EPHX4: variants seen among roughly 807,000 people sequenced by gnomAD.
EPHX4 encodes epoxide hydrolase 4.
A neutral mutation model predicts 44.9 loss-of-function variants in EPHX4; 31 were observed. The ratio of observed to expected loss-of-function variants is 0.69; its 90% CI spans 0.52 to 0.93. EPHX4 has a LOEUF of 0.93. EPHX4 is among the 40% of genes least tolerant of loss of function. EPHX4 has a pLI of 0.00. For synonymous variants in EPHX4, 151 were observed against 159.7 expected (o/e 0.95, Z 0.41); for missense variants, 373 against 438.1 (o/e 0.85, Z 1.33).
chr1:92,062,268 A>G (rs958688791), intron 6 of EPHX4, among the ~76,000 whole-genome samples: 2 of 151,588 alleles, frequency 1.3e-5, no homozygotes, highest in Non-Finnish European at 1.5e-5. Context: ...TACACCATTC[A>G]GTAATTCTGG....
At chr1:92,054,079 C>T (rs1647313788) in intron 6 of EPHX4, among the ~76,000 whole-genome samples, 1 of 152,254 alleles carries the variant, frequency 6.6e-6, no homozygotes, top group East Asian at 1.9e-4. Flanking sequence ...GAATTAGGAG[C>T]CACAGCTGGC....
At chr1:92,045,791 C>A in intron 4 of EPHX4, 131 bp downstream of exon 4, 1 of 969,128 alleles carries the variant, frequency 1.0e-6, no homozygotes, top group Non-Finnish European at 1.6e-6. Flanking sequence ...ACCATGATAG[C>A]ACATGACAGT....
rs1688337914 is a variant in EPHX4, at chr1:92,030,244, C to A, written c.165C>A (p.Ala55=). ...KGPAQTFRRP[A]REHPPACLSD... The stretch of plus-strand genomic sequence containing the variant: ...CGGCGCAGACCTTCCGGCGGCCCGC[C>A]CGGGAGCACCCTCCCGCGTGCCTGA... The change falls in exon 1 of 7, where the codon GCC becomes GCA. Residue 55 remains alanine, a synonymous_variant. Transcript: ENST00000370383. The A allele has an allele frequency of 1.9e-6, 3 of 1,603,234 alleles. No homozygotes were observed. The highest frequency in any genetic ancestry group is 1.3e-5 in the African/African-American group (1 of 74,820).
chr1:92,033,965 A>G (rs1325450446), intron 2 of EPHX4, among the ~76,000 whole-genome samples: 1 of 151,296 alleles, frequency 6.6e-6, no homozygotes, highest in Non-Finnish European at 1.5e-5. Flanking sequence ...ACTGGGCCAA[A>G]TAAGTACAGA....
chr1:92,061,108 G>A (rs1456730077), intron 6 of EPHX4, among the ~76,000 whole-genome samples: 1 of 152,138 alleles, frequency 6.6e-6, no homozygotes, highest in East Asian at 1.9e-4. Flanking sequence ...TTGAACTCCT[G>A]ACCTCAGGTG....
chr1:92,045,811 C>A (rs192732598), intron 4 of EPHX4, 151 bp downstream of exon 4: 1 of 821,586 alleles, frequency 1.2e-6, no homozygotes, highest in East Asian at 2.8e-5. Flanking sequence ...TGTCAGATAC[C>A]TTGGTTTTCA....
intron 5 of EPHX4, among the ~76,000 whole-genome samples, chr1:92,051,754 T>C (rs1647259176): frequency 6.6e-6 from 1 of 152,208 alleles, no homozygotes; most frequent in African/African-American, 2.4e-5. Context: ...TGTCAGCCTA[T>C]CCAAAATTTC....
At chr1:92,030,479 TGTGTGTGA>T (rs915571489) in intron 1 of EPHX4, among the ~76,000 whole-genome samples, 169 bp downstream of exon 1, 4 of 145,346 alleles carry the variant, frequency 2.8e-5, no homozygotes, top group African/African-American at 7.7e-5. Flanking sequence ...TGTGTGTGTG[TGTGTGTGA>T]GAGAGAGAGA....
At chr1:92,050,140 T>G (rs1361903979) in intron 4 of EPHX4, among the ~76,000 whole-genome samples, 177 bp from the exon 5 acceptor site, 1 of 151,984 alleles carries the variant, frequency 6.6e-6, no homozygotes, top group Non-Finnish European at 1.5e-5. Flanking sequence ...TGGTATAAAT[T>G]TTGGAAATAC....
At chr1:92,037,336 C>T (rs2101867056) in intron 2 of EPHX4, among the ~76,000 whole-genome samples, 1 of 152,272 alleles carries the variant, frequency 6.6e-6, no homozygotes, top group Non-Finnish European at 1.5e-5. Flanking sequence ...GGTGATATTT[C>T]ATGTATACAA....
At position 92,042,948 on chromosome 1, in the gene EPHX4, T is replaced by C. The variant is rs760576062; in HGVS notation, c.443T>C (p.Ile148Thr). 1.9e-6 allele frequency: 3 copies of C among 1,611,934 alleles called. No homozygotes were observed. In the South Asian group the frequency reaches 3.3e-5, roughly 18 times the overall value. ...HRQNYKLDCLITDIKDILDSL... is the reference protein window; with the variant it reads ...HRQNYKLDCLTTDIKDILDSL... ...CAGAATTATAAATTGGATTGTCTAA[T>C]TACAGATATAAAGGATATTTTAGAT... is the stretch of plus-strand genomic sequence containing the variant. Residue 148 changes from isoleucine (I) to threonine (T), a missense_variant, in exon 3 of 7, where the codon ATT becomes ACT. Coordinates refer to ENST00000370383, the MANE Select transcript of EPHX4 (RefSeq NM_173567.5).
At chr1:92,035,249 A>G (rs1389808495) in intron 2 of EPHX4, among the ~76,000 whole-genome samples, 1 of 152,210 alleles carries the variant, frequency 6.6e-6, no homozygotes, top group East Asian at 1.9e-4. Flanking sequence ...CAATTCGAGC[A>G]TATGCATATG....
At chr1:92,030,578 A>C (rs533253222) in intron 1 of EPHX4, among the ~76,000 whole-genome samples, 1 of 151,910 alleles carries the variant, frequency 6.6e-6, no homozygotes, top group Non-Finnish European at 1.5e-5. Context: ...TTCTCTAATC[A>C]GGGGCCTCTT....
At chr1:92,030,485 T>TGTGTGTGTGTGA (rs1326928763) in intron 1 of EPHX4, among the ~76,000 whole-genome samples, 175 bp downstream of exon 1, 4 of 138,652 alleles carry the variant, frequency 2.9e-5, no homozygotes, top group East Asian at 2.0e-4. Context: ...TGTGTGTGTG[T>TGTGTGTGTGTGA]GAGAGAGAGA....
intron 4 of EPHX4, among the ~76,000 whole-genome samples, chr1:92,050,070 G>A (rs972599948): frequency 1.3e-5 from 2 of 151,912 alleles, no homozygotes; most frequent in Non-Finnish European, 2.9e-5. Context: ...TTGCACTCCA[G>A]CCTGGGCAAC....
chr1:92,053,002 T>A (rs1557885705), intron 6 of EPHX4, among the ~76,000 whole-genome samples: 1 of 152,218 alleles, frequency 6.6e-6, no homozygotes, highest in Non-Finnish European at 1.5e-5. Flanking sequence ...TGTTCTGGGC[T>A]GTGTTAGTTA....
At chr1:92,060,085 T>TA (rs1647462075) in intron 6 of EPHX4, among the ~76,000 whole-genome samples, 1 of 151,940 alleles carries the variant, frequency 6.6e-6, no homozygotes, top group African/African-American at 2.4e-5. Flanking sequence ...AGCTCTGGTT[T>TA]ATCATGTTCA....
At chr1:92,049,865 G>A (rs779013449) in intron 4 of EPHX4, among the ~76,000 whole-genome samples, 7 of 152,062 alleles carry the variant, frequency 4.6e-5, no homozygotes, top group South Asian at 2.1e-4. Flanking sequence ...TTGGGAGGCC[G>A]AGGTGGGCAG....
chr1:92,054,483 G>A (rs1647322107), intron 6 of EPHX4, among the ~76,000 whole-genome samples: 1 of 151,462 alleles, frequency 6.6e-6, no homozygotes, highest in Non-Finnish European at 1.5e-5. Flanking sequence ...TAGCTACTCG[G>A]AGGCTGAGGT....
Sources: gnomAD v4.1 joint callset for allele counts (sites outside exome capture counted in the v4.1 genomes callset) on GRCh38, gnomAD v4.1.1 for gene constraint, MANE v1.5 for transcripts, NCBI Gene and HGNC (gene_info 2026-07-23, HGNC 2026-07-21) for gene names.